DNAJC8: variants seen among roughly 807,000 people sequenced by gnomAD.
The protein encoded by DNAJC8 is DnaJ heat shock protein family (Hsp40) member C8.
A neutral mutation model predicts 43.2 loss-of-function variants in DNAJC8; 24 were observed. The observed-to-expected ratio is 0.56, with a 90% CI of 0.40 to 0.78. The LOEUF (loss-of-function observed/expected upper bound fraction) is 0.78. Ranked by LOEUF, DNAJC8 falls within the 30% of genes least tolerant of loss-of-function variation. The pLI, the probability that DNAJC8 is intolerant of heterozygous loss-of-function variation, is 0.00. For synonymous variants in DNAJC8, 83 were observed against 98.0 expected, an observed-to-expected ratio of 0.85 and a Z score of 0.90; for missense variants, 207 against 299.4, an observed-to-expected ratio of 0.69 and a Z score of 2.28.
intron 2 of DNAJC8, among the ~76,000 whole-genome samples, chr1:28,218,936 T>C (rs1000419744): frequency 2.0e-5 from 3 of 152,056 alleles, no homozygotes; most frequent in Non-Finnish European, 2.9e-5. Context: ...AAACCACTAG[T>C]TCTGAGGAAA....
chr1:28,217,681 C>G (rs1646868297), intron 2 of DNAJC8, among the ~76,000 whole-genome samples: 1 of 151,848 alleles, frequency 6.6e-6, no homozygotes, highest in Non-Finnish European at 1.5e-5. Flanking sequence ...TAGGGGTAAA[C>G]CAAAGTCCAA....
At chr1:28,224,313 G>C (rs184418063) in intron 2 of DNAJC8, among the ~76,000 whole-genome samples, 1 of 152,152 alleles carries the variant, frequency 6.6e-6, no homozygotes, top group East Asian at 1.9e-4. Context: ...TGTCGCCCAG[G>C]CTGGAGTGCA....
intron 2 of DNAJC8, among the ~76,000 whole-genome samples, chr1:28,222,207 T>C (rs1036916779): frequency 6.6e-6 from 1 of 152,116 alleles, no homozygotes; most frequent in South Asian, 2.1e-4. Flanking sequence ...ATGAACTGGC[T>C]GGGCACAGTG....
At chr1:28,210,481 T>C in intron 4 of DNAJC8, 90 bp downstream of exon 4, 1 of 1,188,250 alleles carries the variant, frequency 8.4e-7, no homozygotes, top group Non-Finnish European at 1.2e-6. Flanking sequence ...AAGACAAAAC[T>C]ATAACAGTCT....
chr1:28,232,837 C>A lies in DNAJC8; in HGVS notation c.78+84G>T, dbSNP rs913674804. On this transcript the variant is annotated intron_variant, in intron 1 of 8. Transcript: ENST00000263697. Reference sequence around the variant, plus strand: ...TGAAGGAATCGCCCAACGGTCCAGGCCAGGCGGCCACTGCCTTTGTCCACT... The same window carrying A: ...TGAAGGAATCGCCCAACGGTCCAGGACAGGCGGCCACTGCCTTTGTCCACT... 4 of 1,465,186 alleles carry A rather than the reference C, an allele frequency of 2.7e-6. No homozygotes were observed. In the African/African-American group the frequency reaches 5.5e-5, roughly 20 times the overall value. 90.8% of individuals were successfully genotyped at this position (1,465,186 alleles called of 1,614,324 possible).
intron 8 of DNAJC8, among the ~76,000 whole-genome samples, 196 bp downstream of exon 8, chr1:28,203,551 C>T (rs1557704780): frequency 6.6e-6 from 1 of 152,140 alleles, no homozygotes; most frequent in African/African-American, 2.4e-5. Flanking sequence ...AAAAGCCATT[C>T]AGGGATCCTC....
In DNAJC8 at chr1:28,203,801, C is replaced by A; in HGVS notation, c.585G>T (p.Glu195Asp). 1 of 1,614,212 alleles carries A rather than the reference C, an allele frequency of 6.2e-7. No homozygotes were observed. Among genetic ancestry groups the A allele is most frequent in the Non-Finnish European group, 8.5e-7 (1 of 1,180,042 alleles). ...MHERKRQREE[E>D]IEAQEKAKRE... is the part of the protein sequence containing the mutation. ...GTTTGGCTTTTTCTTGAGCTTCAAT[C>A]TCTTCTTCCCTTTGTCGTTTCCTAG... The change falls in exon 8 of 9, where the codon GAG (glutamate) becomes GAT (aspartate). Residue 195 changes from glutamate (E) to aspartate (D), a missense_variant. By Grantham distance (45) the Glu-to-Asp change is conservative. Transcript: ENST00000263697.
rs1273104539 is a variant in DNAJC8 at position 28,203,733 on chromosome 1, C to A, written c.639+14G>T. 6.2e-7 allele frequency: 1 copy of A among 1,613,902 alleles called. No homozygotes were observed. Among genetic ancestry groups the A allele is most frequent in the South Asian group, 1.1e-5 (1 of 91,074 alleles). Reference sequence around the variant, plus strand: ...ATTCTGGAATTAGAATCCCTGGCCACCTTGGAAATTTACCTCAAAGTTTTT... The same window carrying A: ...ATTCTGGAATTAGAATCCCTGGCCAACTTGGAAATTTACCTCAAAGTTTTT... On this transcript the variant is annotated intron_variant, in intron 8 of 8. Transcript: ENST00000263697.
At chr1:28,205,592 A>T (rs898229854) in intron 6 of DNAJC8, among the ~76,000 whole-genome samples, 15 of 152,176 alleles carry the variant, frequency 9.9e-5, no homozygotes, top group African/African-American at 3.1e-4. Context: ...AATTTTTTTT[A>T]AAACTAGCGT....
chr1:28,216,808 C>CTTT (rs1178044559), intron 2 of DNAJC8, among the ~76,000 whole-genome samples: 9 of 131,098 alleles, frequency 6.9e-5, no homozygotes, highest in African/African-American at 2.5e-4. Flanking sequence ...GGGGCGATTT[C>CTTT]TTTTTTTTTT....
At chr1:28,227,892 C>T (rs1646948009) in intron 2 of DNAJC8, among the ~76,000 whole-genome samples, 1 of 152,130 alleles carries the variant, frequency 6.6e-6, no homozygotes, top group South Asian at 2.1e-4. Context: ...TGTACATTTG[C>T]AACAAATATG....
chr1:28,208,236 G>A, intron 6 of DNAJC8, 106 bp downstream of exon 6: 1 of 691,764 alleles, frequency 1.4e-6, no homozygotes, highest in Middle Eastern at 2.7e-4. Flanking sequence ...ATAAATAAAT[G>A]TGAAATAGCA....
intron 2 of DNAJC8, among the ~76,000 whole-genome samples, chr1:28,215,218 G>T (rs910015887): frequency 6.6e-6 from 1 of 152,026 alleles, no homozygotes; most frequent in African/African-American, 2.4e-5. Context: ...ATAACATAAT[G>T]CTTATTTTCA....
chr1:28,209,957 A>G lies in DNAJC8; in HGVS notation c.399+15T>C. On this transcript the variant is annotated intron_variant, in intron 5 of 8. Transcript: ENST00000263697. ...TGATACTTCCTGTAAACACAGCAGC[A>G]CTATAAATACTTACAGTGTGTTCCA... The G allele has an allele frequency of 6.2e-7, 1 of 1,611,414 alleles. No individual in the cohort carries two copies. The highest frequency in any genetic ancestry group is 8.5e-7 in the Non-Finnish European group (1 of 1,177,674).
Position 28,210,587 on chromosome 1 carries a change from T to C in DNAJC8, c.288A>G (p.Ala96=). 1 of 1,613,980 alleles carries C rather than the reference T, an allele frequency of 6.2e-7. No individual in the cohort carries two copies. The highest frequency in any genetic ancestry group is 8.5e-7 in the Non-Finnish European group (1 of 1,179,922). The change falls in exon 4 of 9, where the codon GCA becomes GCG. Residue 96 remains alanine, a synonymous_variant. Coordinates refer to ENST00000263697, the MANE Select transcript of DNAJC8 (RefSeq NM_014280.3). ...TACAAATACCTTCAAAAGCCTTTTG[T>C]GCTCTGTCAGCATCATCTTGATTTT... ...PDKNQDDADR[A]QKAFEAVDKA...
chr1:28,210,525 T>C (rs534737887), intron 4 of DNAJC8, 46 bp downstream of exon 4: 5 of 1,516,422 alleles, frequency 3.3e-6, no homozygotes, highest in Admixed American at 3.4e-5. Flanking sequence ...AGTTAGGCCC[T>C]GCCATTCACA....
chr1:28,231,607 C>T (rs1646975328), intron 1 of DNAJC8, among the ~76,000 whole-genome samples: 1 of 151,340 alleles, frequency 6.6e-6, no homozygotes, highest in Admixed American at 6.6e-5. Context: ...CCCAGCTACT[C>T]GGGAGGCTGA....
chr1:28,221,835 C>G (rs986044177), intron 2 of DNAJC8, among the ~76,000 whole-genome samples: 10 of 152,020 alleles, frequency 6.6e-5, no homozygotes, highest in Middle Eastern at 3.4e-3. Context: ...AGATGTAGAA[C>G]AACCCATGTC....
intron 2 of DNAJC8, among the ~76,000 whole-genome samples, chr1:28,228,097 T>A (rs1204674904): frequency 2.0e-5 from 3 of 152,142 alleles, no homozygotes; most frequent in Non-Finnish European, 2.9e-5. Context: ...ACGCCTGTAA[T>A]CCCAGCACTT....
Sources: allele counts gnomAD v4.1 joint callset (sites outside exome capture counted in the v4.1 genomes callset), GRCh38; gene constraint gnomAD v4.1.1; transcripts MANE v1.5; gene names NCBI Gene and HGNC (gene_info 2026-07-23, HGNC 2026-07-21).